TTC3: variants seen among roughly 807,000 people sequenced by gnomAD.
TTC3 encodes E3 ubiquitin-protein ligase TTC3.
Under a neutral mutation model 249.6 loss-of-function variants are expected in TTC3, and 180 were observed. That is an observed-to-expected ratio of 0.72 (90% CI 0.64 to 0.82). The LOEUF is 0.82. Ranked by LOEUF, TTC3 falls within the 40% of genes least tolerant of loss-of-function variation. The pLI, the probability that TTC3 is intolerant of heterozygous loss-of-function variation, is 0.00. For synonymous variants in TTC3, 717 were observed against 805.0 expected (o/e 0.89, Z 1.85); for missense variants, 2,061 against 2,398.4 (o/e 0.86, Z 2.94).
intron 40 of TTC3, among the ~76,000 whole-genome samples, chr21:37,191,889 G>A (rs569433123): frequency 9.2e-5 from 14 of 152,222 alleles, no homozygotes; most frequent in East Asian, 3.9e-4. Context: ...GCGCCCAGCC[G>A]GAAGTAGTGA....
chr21:37,079,140 A>AT (rs922489494), intron 1 of TTC3, among the ~76,000 whole-genome samples: 1 of 152,122 alleles, frequency 6.6e-6, no homozygotes, highest in Non-Finnish European at 1.5e-5. Flanking sequence ...TATAGATTAT[A>AT]TTTTTATGAA....
At chr21:37,104,431 A>G (rs774391845) in intron 10 of TTC3, among the ~76,000 whole-genome samples, 19 of 152,036 alleles carry the variant, frequency 1.2e-4, no homozygotes, top group Non-Finnish European at 2.4e-4. Flanking sequence ...CTCTACTACA[A>G]CTACAAAAAT....
In TTC3 at chr21:37,166,756, A is replaced by G. The variant is rs181236707; in HGVS notation, c.4401+141A>G. ...GAAGCTTTTGCCTGAAAATACTTTT[A>G]AAATATGAACTCTTTTGTGAGGCAT... is the stretch of plus-strand genomic sequence containing the variant. On this transcript the variant is annotated intron_variant, in intron 33 of 45. Coordinates refer to ENST00000355666, the Ensembl canonical transcript of TTC3. The G allele has an allele frequency of 3.7e-4, 505 of 1,378,268 alleles. 1 individual carries two copies. Among genetic ancestry groups the G allele is most frequent in the Middle Eastern group, 5.2e-4 (2 of 3,834 alleles). 85.4% of individuals were successfully genotyped at this position (1,378,268 alleles called of 1,614,324 possible).
At chr21:37,175,585 T>C (rs2082195265) in intron 35 of TTC3, among the ~76,000 whole-genome samples, 1 of 113,568 alleles carries the variant, frequency 8.8e-6, no homozygotes, top group Non-Finnish European at 1.7e-5. Context: ...CGACAAGAGC[T>C]AGACTCCATC....
intron 21 of TTC3, among the ~76,000 whole-genome samples, chr21:37,145,780 A>G (rs1404664609): frequency 1.3e-5 from 2 of 152,306 alleles, no homozygotes; most frequent in African/African-American, 2.4e-5. Context: ...GAGATCATAT[A>G]GTGAGAGACA....
chr21:37,164,325 C>G, intron 32 of TTC3, 110 bp downstream of exon 32: 1 of 1,014,228 alleles, frequency 9.9e-7, no homozygotes, highest in Non-Finnish European at 1.4e-6. Flanking sequence ...ACATTTTACA[C>G]AAAGTTAATT....
chr21:37,200,537 G>C (rs78449080), intron 45 of TTC3, among the ~76,000 whole-genome samples: 1,646 of 152,276 alleles, frequency 0.011, 25 homozygotes, highest in African/African-American at 0.038. Flanking sequence ...CATCCCTTGT[G>C]GGGAGAGGGG....
intron 10 of TTC3, among the ~76,000 whole-genome samples, chr21:37,107,325 G>A (rs961352375): frequency 7.9e-5 from 12 of 152,112 alleles, no homozygotes; most frequent in African/African-American, 2.9e-4. Context: ...TATAGTGAGA[G>A]GTGGATACCT....
At chr21:37,150,411 T>G (rs542227551) in intron 24 of TTC3, among the ~76,000 whole-genome samples, 37 of 152,286 alleles carry the variant, frequency 2.4e-4, no homozygotes, top group Middle Eastern at 3.4e-3. Context: ...AGTTTTACTA[T>G]TTTTACTGTT....
chr21:37,081,222 A>G (rs1334121721), intron 1 of TTC3, among the ~76,000 whole-genome samples: 3 of 138,620 alleles, frequency 2.2e-5, no homozygotes, highest in Non-Finnish European at 4.5e-5. Context: ...GATTCAAGCG[A>G]TTCTCCTGCC....
chr21:37,091,598 T>TATTTATTC (rs1555850928), intron 7 of TTC3, 185 bp downstream of exon 7: 1 of 211,468 alleles, frequency 4.7e-6, no homozygotes, highest in Non-Finnish European at 8.3e-6. Flanking sequence ...TTTATTTATT[T>TATTTATTC]TGAGGCAGAT....
rs778988834 is a variant in TTC3 at position 37,156,907 on chromosome 21, G to C, written c.2992+1G>C. The C allele has an allele frequency of 5.0e-6, 8 of 1,612,762 alleles. No homozygotes were observed. The highest frequency in any genetic ancestry group is 6.8e-6 in the Non-Finnish European group (8 of 1,179,792). The stretch of plus-strand genomic sequence containing the variant: ...TTAGATGAATTCTTTGATATAATGG[G>C]TATGTGGACTGAGTTTAGACTTATA... On this transcript the variant is annotated splice_donor_variant, in intron 28 of 45. Coordinates refer to ENST00000355666, the Ensembl canonical transcript of TTC3. LOFTEE classifies it high-confidence loss of function.
intron 32 of TTC3, 92 bp downstream of exon 32, chr21:37,164,307 A>C: frequency 8.5e-7 from 1 of 1,174,604 alleles, no homozygotes. Flanking sequence ...GTTTTTAGAG[A>C]TTTTGCCACA....
At chr21:37,182,639 G>A (rs943007065) in intron 35 of TTC3, 135 bp from the exon 36 acceptor site, 11 of 888,248 alleles carry the variant, frequency 1.2e-5, no homozygotes, top group Middle Eastern at 3.7e-4. Flanking sequence ...GCCACAGGGC[G>A]CCAGCTTGGG....
intron 35 of TTC3, among the ~76,000 whole-genome samples, chr21:37,172,960 G>A (rs1450900632): frequency 6.6e-6 from 1 of 152,200 alleles, no homozygotes; most frequent in Admixed American, 6.5e-5. Context: ...GAAAGGGGCT[G>A]TAAGTCTGGG....
intron 11 of TTC3, among the ~76,000 whole-genome samples, chr21:37,115,430 G>A (rs1343779497): frequency 1.3e-5 from 2 of 152,120 alleles, no homozygotes; most frequent in Non-Finnish European, 2.9e-5. Flanking sequence ...AAACTGGTGG[G>A]AGTGTGATTG....
chr21:37,114,173 C>G (rs1366654860), intron 11 of TTC3, among the ~76,000 whole-genome samples: 1 of 151,678 alleles, frequency 6.6e-6, no homozygotes. Flanking sequence ...GCAACAAAAG[C>G]CAAAATTGAC....
chr21:37,104,395 G>A (rs1205353027), intron 10 of TTC3, among the ~76,000 whole-genome samples: 1 of 152,048 alleles, frequency 6.6e-6, no homozygotes, highest in East Asian at 1.9e-4. Context: ...TTCGAGACCA[G>A]CCTGGCCAAC....
At chr21:37,185,734 A>G in exon 37 of TTC3, 8 of 1,554,808 alleles carry the variant, frequency 5.1e-6, no homozygotes, top group Non-Finnish European at 6.1e-6. Flanking sequence ...TGGAAAGGAA[A>G]AGGAACATGA....
Sources: allele counts gnomAD v4.1 joint callset (sites outside exome capture counted in the v4.1 genomes callset), GRCh38; gene constraint gnomAD v4.1.1; transcripts MANE v1.5; gene names NCBI Gene and HGNC (gene_info 2026-07-23, HGNC 2026-07-21).